The following LUC7L3 variants were observed in gnomAD, a reference collection of about 807,000 sequenced individuals.
LUC7L3 encodes the protein LUC7 like 3 pre-mRNA splicing factor, also known as luc7-like protein 3.
In LUC7L3, 6 loss-of-function variants were observed where a neutral mutation model predicts 66.8. The observed-to-expected ratio is 0.09, with a 90% CI of 0.05 to 0.18. The LOEUF is 0.18. Ranked by LOEUF, LUC7L3 falls within the 10% of genes least tolerant of loss-of-function variation. The pLI is 1.00. For synonymous variants in LUC7L3, 160 were observed against 174.7 expected (o/e 0.92, Z 0.66); for missense variants, 341 against 531.1 (o/e 0.64, Z 3.52).
intron 1 of LUC7L3, among the ~76,000 whole-genome samples, chr17:50,729,466 C>T (rs73335537): frequency 0.011 from 1,642 of 152,268 alleles, 21 homozygotes; most frequent in African/African-American, 0.037. Flanking sequence ...TTTCCAGCCT[C>T]CTTATTCCAG....
intron 1 of LUC7L3, among the ~76,000 whole-genome samples, chr17:50,731,836 G>A (rs896145710): frequency 2.0e-5 from 3 of 152,140 alleles, no homozygotes; most frequent in African/African-American, 7.2e-5. Context: ...TGTGTTATTT[G>A]GTTTACACAG....
intron 1 of LUC7L3, among the ~76,000 whole-genome samples, chr17:50,736,226 G>C (rs755148375): frequency 2.6e-4 from 40 of 152,184 alleles, no homozygotes; most frequent in Non-Finnish European, 5.0e-4. Context: ...TACATGGTTT[G>C]ATTTGTAGTG....
intron 3 of LUC7L3, among the ~76,000 whole-genome samples, chr17:50,740,699 C>A (rs555312859): frequency 6.6e-6 from 1 of 152,290 alleles, no homozygotes; most frequent in East Asian, 1.9e-4. Flanking sequence ...GTTGGGATTA[C>A]AGGTGCCCAC....
chr17:50,728,139 T>C (rs1969327589), intron 1 of LUC7L3, among the ~76,000 whole-genome samples: 1 of 151,880 alleles, frequency 6.6e-6, no homozygotes, highest in Non-Finnish European at 1.5e-5. Context: ...AAAAAAGTTT[T>C]TATAAGCCTT....
intron 6 of LUC7L3, among the ~76,000 whole-genome samples, chr17:50,744,191 T>C (rs1433680019): frequency 1.3e-5 from 2 of 152,244 alleles, no homozygotes; most frequent in African/African-American, 4.8e-5. Flanking sequence ...TTCTTTTAAT[T>C]GGAGAATAGA....
intron 1 of LUC7L3, among the ~76,000 whole-genome samples, chr17:50,720,968 G>C (rs184516224): frequency 6.6e-6 from 1 of 152,216 alleles, no homozygotes; most frequent in Admixed American, 6.5e-5. Flanking sequence ...GTTTTTAAGA[G>C]GTGGGTTTTT....
rs947445222 is a variant in LUC7L3 at position 50,747,048 on chromosome 17, A to C, written c.1138+346A>C. On this transcript the variant is annotated intron_variant, in intron 9 of 9. Coordinates refer to ENST00000505658, the MANE Select transcript of LUC7L3 (RefSeq NM_016424.5). ...GGCTCCTTTTTTTTTTACACACTGC[A>C]GTGTTTCATAATACGTCTTATAAAG... 2.0e-5 allele frequency among the ~76,000 whole-genome samples: 3 copies of C among 151,852 alleles called. No homozygotes were observed. In the East Asian group the frequency reaches 5.8e-4, roughly 29 times the overall value.
At chr17:50,733,631 G>A (rs754607461) in intron 1 of LUC7L3, among the ~76,000 whole-genome samples, 1 of 152,106 alleles carries the variant, frequency 6.6e-6, no homozygotes, top group Non-Finnish European at 1.5e-5. Context: ...TCAATCTCCT[G>A]ACCTCGTGAT....
rs148242957 is a variant in LUC7L3 at position 50,721,200 on chromosome 17, A to G, written c.99+1369A>G. Among the ~76,000 whole-genome samples, 1,165 of 152,302 alleles carry G rather than the reference A, an allele frequency of 7.6e-3. 44 individuals are homozygous for G. The highest frequency in any genetic ancestry group is 0.059 in the Admixed American group (908 of 15,294). ...AAGTAAGGTAAAAAACCAAAACATT[A>G]TGGCGATTTGGCTTATGTTCAATAG... On this transcript the variant is annotated intron_variant, in intron 1 of 9. Coordinates refer to ENST00000505658, the MANE Select transcript of LUC7L3 (RefSeq NM_016424.5).
rs1200147219 is a variant in LUC7L3 at position 50,755,692 on chromosome 17, C to T, written c.*5031C>T. 2 of 152,196 alleles carry T rather than the reference C, an allele frequency of 1.3e-5. No homozygotes were observed. Among genetic ancestry groups the T allele is most frequent in the Non-Finnish European group, 2.9e-5 (2 of 68,038 alleles). 9.4% of individuals were successfully genotyped at this position (152,196 alleles called of 1,614,324 possible). The stretch of plus-strand genomic sequence containing the variant: ...TATAAGTGGGTGTGCCATAACCTCT[C>T]TCGTAGCCATTCATTCCCGGATACA... On this transcript the variant is annotated 3_prime_UTR_variant, in exon 10 of 10. Transcript: ENST00000505658.
intron 6 of LUC7L3, among the ~76,000 whole-genome samples, chr17:50,744,204 A>G (rs750848130): frequency 1.3e-5 from 2 of 152,256 alleles, no homozygotes; most frequent in African/African-American, 2.4e-5. Flanking sequence ...AGAATAGAAT[A>G]TACTTGTTTC....
At chr17:50,736,817 C>G in intron 1 of LUC7L3, 143 bp from the exon 2 acceptor site, 1 of 609,770 alleles carries the variant, frequency 1.6e-6, no homozygotes, top group Middle Eastern at 4.4e-4. Flanking sequence ...ACTAATTTAC[C>G]TAATATGATT....
At chr17:50,741,074 G>T (rs1970320747) in intron 3 of LUC7L3, 28 bp from the exon 4 acceptor site, 2 of 1,611,982 alleles carry the variant, frequency 1.2e-6, no homozygotes, top group African/African-American at 1.3e-5. Flanking sequence ...ATTTGGAAAT[G>T]AGTACTTGTT....
In LUC7L3 at chr17:50,755,584, C is replaced by G. The variant is rs997406158; in HGVS notation, c.*4923C>G. ...TTTTGTAGCTGATCTATTTCTTCCC[C>G]TCAGCCATCCCAAATAGGTCATTTG... On this transcript the variant is annotated 3_prime_UTR_variant, in exon 10 of 10. Transcript: ENST00000505658. 1 of 152,178 alleles carries G rather than the reference C, an allele frequency of 6.6e-6. No individual in the cohort carries two copies. The highest frequency in any genetic ancestry group is 2.4e-5 in the African/African-American group (1 of 41,428). The allele number at this position is 152,178 out of a possible 1,614,324, so 9.4% of individuals were successfully genotyped here. A position where few individuals can be genotyped will look rare whatever the true frequency, so the allele number is the denominator to read the frequency against.
chr17:50,754,670 G>A lies in LUC7L3; in HGVS notation c.*4009G>A, dbSNP rs887635684. On this transcript the variant is annotated 3_prime_UTR_variant, in exon 10 of 10. Transcript: ENST00000505658. ...CGTTTTTTTTTCCCCTTCAAACACA[G>A]TCCATTCATTTTTCAGTTTGGGTTG... 1 of 151,892 alleles carries A rather than the reference G, an allele frequency of 6.6e-6. No homozygotes were observed. Among genetic ancestry groups the A allele is most frequent in the African/African-American group, 2.4e-5 (1 of 41,344 alleles). The allele number at this position is 151,892 out of a possible 1,614,324, so 9.4% of individuals were successfully genotyped here. A position where few individuals can be genotyped will look rare whatever the true frequency, so the allele number is the denominator to read the frequency against.
At chr17:50,723,495 G>A (rs9894737) in intron 1 of LUC7L3, 51 of 152,264 alleles carry the variant, frequency 3.3e-4, no homozygotes, top group African/African-American at 1.2e-3. Flanking sequence ...GAATTTGGGA[G>A]CAAAAATTGA....
intron 1 of LUC7L3, among the ~76,000 whole-genome samples, chr17:50,720,144 A>T (rs952448490): frequency 6.6e-5 from 10 of 152,224 alleles, no homozygotes; most frequent in African/African-American, 2.4e-4. Flanking sequence ...CCGAGGTTTC[A>T]CCTCATTATG....
In LUC7L3 at chr17:50,751,683, G is replaced by A. The variant is rs1162774257; in HGVS notation, c.*1022G>A. The A allele has an allele frequency of 1.9e-6, 2 of 1,070,230 alleles. No individual in the cohort carries two copies. Among genetic ancestry groups the A allele is most frequent in the Non-Finnish European group, 2.3e-6 (2 of 878,780 alleles). The allele number at this position is 1,070,230 out of a possible 1,614,324, so 66.3% of individuals were successfully genotyped here. A position where few individuals can be genotyped will look rare whatever the true frequency, so the allele number is the denominator to read the frequency against. ...AGGTATGTGCTTAATATTTCCTACT[G>A]TGTAGGAGAATTTGCAGTCAGCCAT... On this transcript the variant is annotated 3_prime_UTR_variant, in exon 10 of 10. Transcript: ENST00000505658.
chr17:50,736,016 C>A (rs1195231388), intron 1 of LUC7L3, among the ~76,000 whole-genome samples: 3 of 152,152 alleles, frequency 2.0e-5, no homozygotes, highest in African/African-American at 7.2e-5. Flanking sequence ...ACCTGTAATT[C>A]CAGCTACTTT....
Sources: allele counts gnomAD v4.1 joint callset (sites outside exome capture counted in the v4.1 genomes callset), GRCh38; gene constraint gnomAD v4.1.1; transcripts MANE v1.5; gene names NCBI Gene and HGNC (gene_info 2026-07-23, HGNC 2026-07-21).